Variants in DPYD observed in about 807,000 individuals in gnomAD.
DPYD encodes the protein dihydropyrimidine dehydrogenase, also known as dihydropyrimidine dehydrogenase [NADP(+)].
A neutral mutation model predicts 116.2 loss-of-function variants in DPYD; 109 were observed. The ratio of observed to expected loss-of-function variants is 0.94; its 90% CI spans 0.80 to 1.10. DPYD has a LOEUF of 1.10. DPYD is among the 50% of genes least tolerant of loss of function. DPYD has a pLI of 0.00. For missense variants in DPYD, 1,302 were observed against 1,254.5 expected (o/e 1.04, Z -0.57); for synonymous variants, 440 against 432.0 (o/e 1.02, Z -0.23).
chr1:97,124,883 T>C (rs1652716002), intron 20 of DPYD, among the ~76,000 whole-genome samples: 1 of 152,120 alleles, frequency 6.6e-6, no homozygotes, highest in Non-Finnish European at 1.5e-5. Context: ...ATAAATATTC[T>C]CTAAAAACCT....
At chr1:97,659,841 CT>C (rs1272160304) in intron 8 of DPYD, among the ~76,000 whole-genome samples, 1 of 152,092 alleles carries the variant, frequency 6.6e-6, no homozygotes, top group Non-Finnish European at 1.5e-5. Context: ...ACCTTCATTT[CT>C]TCAATTTCCA....
chr1:97,820,545 T>C (rs1242686298), intron 3 of DPYD, among the ~76,000 whole-genome samples: 1 of 152,206 alleles, frequency 6.6e-6, no homozygotes, highest in African/African-American at 2.4e-5. Flanking sequence ...ACTTTTATAT[T>C]TAACTCTGTA....
At chr1:97,865,133 G>A (rs1162071772) in intron 2 of DPYD, among the ~76,000 whole-genome samples, 1 of 151,830 alleles carries the variant, frequency 6.6e-6, no homozygotes, top group Non-Finnish European at 1.5e-5. Context: ...GGGGGTTTGA[G>A]AATCAAACAG....
chr1:97,549,199 T>A (rs555978674), intron 12 of DPYD, among the ~76,000 whole-genome samples: 1 of 152,036 alleles, frequency 6.6e-6, no homozygotes, highest in African/African-American at 2.4e-5. Flanking sequence ...CCCAAGAAGC[T>A]CGTACCACAG....
intron 14 of DPYD, among the ~76,000 whole-genome samples, chr1:97,413,458 G>A (rs547355205): frequency 2.4e-4 from 36 of 152,046 alleles, no homozygotes; most frequent in South Asian, 8.3e-4. Context: ...AGAGTTTTTC[G>A]TTGTTTTTTT....
chr1:97,764,642 A>C (rs961309980), intron 3 of DPYD, among the ~76,000 whole-genome samples: 1 of 152,094 alleles, frequency 6.6e-6, no homozygotes, highest in African/African-American at 2.4e-5. Context: ...CTTACACTTT[A>C]AAGAATTTTT....
intron 3 of DPYD, among the ~76,000 whole-genome samples, chr1:97,778,248 AG>A (rs1181443520): frequency 6.7e-6 from 1 of 149,702 alleles, no homozygotes; most frequent in Non-Finnish European, 1.5e-5. Flanking sequence ...AAGGGAGGGA[AG>A]GAAGAGTTAA....
intron 1 of DPYD, among the ~76,000 whole-genome samples, chr1:97,891,386 T>C (rs942792856): frequency 1.3e-5 from 2 of 151,186 alleles, no homozygotes; most frequent in Admixed American, 1.3e-4. Context: ...ACATTTTCAG[T>C]AACACAATAA....
At chr1:97,732,669 T>C (rs1230329435) in intron 4 of DPYD, among the ~76,000 whole-genome samples, 1 of 152,038 alleles carries the variant, frequency 6.6e-6, no homozygotes, top group African/African-American at 2.4e-5. Flanking sequence ...TTAACTCTAG[T>C]AAATTTAGTA....
intron 18 of DPYD, among the ~76,000 whole-genome samples, chr1:97,248,833 G>A (rs993326242): frequency 5.3e-5 from 8 of 152,072 alleles, no homozygotes; most frequent in Non-Finnish European, 7.4e-5. Context: ...CAATTAGAAA[G>A]TTAAAAAATA....
chr1:97,555,235 C>G (rs943528124), intron 11 of DPYD, among the ~76,000 whole-genome samples: 2 of 151,994 alleles, frequency 1.3e-5, no homozygotes, highest in African/African-American at 2.4e-5. Flanking sequence ...GGGCTCTAGC[C>G]CCTCTTCACC....
At chr1:97,284,423 C>A (rs1056432519) in intron 18 of DPYD, among the ~76,000 whole-genome samples, 1 of 151,878 alleles carries the variant, frequency 6.6e-6, no homozygotes, top group African/African-American at 2.4e-5. Context: ...AAGAATTAAG[C>A]TTTTTCATAT....
At chr1:97,246,057 G>A (rs996734984) in intron 18 of DPYD, among the ~76,000 whole-genome samples, 14 of 152,054 alleles carry the variant, frequency 9.2e-5, no homozygotes, top group African/African-American at 3.4e-4. Flanking sequence ...GTGTGGACAA[G>A]GACATCTCTA....
intron 3 of DPYD, among the ~76,000 whole-genome samples, chr1:97,772,761 A>G (rs1666209272): frequency 6.6e-6 from 1 of 152,210 alleles, no homozygotes; most frequent in East Asian, 1.9e-4. Flanking sequence ...ACAACATACA[A>G]ACATATACAT....
intron 15 of DPYD, among the ~76,000 whole-genome samples, chr1:97,380,890 C>T (rs1025616484): frequency 4.6e-5 from 7 of 152,256 alleles, no homozygotes; most frequent in Middle Eastern, 3.4e-3. Flanking sequence ...TTATTGGGTG[C>T]CTACCATATG....
intron 11 of DPYD, among the ~76,000 whole-genome samples, chr1:97,556,050 T>G (rs1651678951): frequency 6.6e-6 from 1 of 152,206 alleles, no homozygotes; most frequent in Non-Finnish European, 1.5e-5. Context: ...ATCATCTTGC[T>G]TCAGAGCCTG....
chr1:97,582,612 C>A (rs1430680769), intron 10 of DPYD, among the ~76,000 whole-genome samples: 1 of 152,122 alleles, frequency 6.6e-6, no homozygotes, highest in Non-Finnish European at 1.5e-5. Flanking sequence ...CAAGCAAATT[C>A]TGCAATTATT....
At chr1:97,350,196 A>G (rs1457902121) in intron 16 of DPYD, among the ~76,000 whole-genome samples, 1 of 152,088 alleles carries the variant, frequency 6.6e-6, no homozygotes, top group Non-Finnish European at 1.5e-5. Context: ...TTTTTAACTA[A>G]AAAGAATTAA....
chr1:97,146,704 C>CATATA (rs1337138627), intron 20 of DPYD, among the ~76,000 whole-genome samples: 2 of 152,092 alleles, frequency 1.3e-5, no homozygotes, highest in African/African-American at 4.8e-5. Flanking sequence ...GAGACAGAGA[C>CATATA]ATATAAAAGT....
Sources: gnomAD v4.1 joint callset for allele counts (sites outside exome capture counted in the v4.1 genomes callset) on GRCh38, gnomAD v4.1.1 for gene constraint, MANE v1.5 for transcripts, NCBI Gene and HGNC (gene_info 2026-07-23, HGNC 2026-07-21) for gene names.